IL17RA: variants seen among roughly 807,000 people sequenced by gnomAD.
IL17RA encodes the protein interleukin-17 receptor A.
A neutral mutation model predicts 50.4 loss-of-function variants in IL17RA; 34 were observed. The observed-to-expected ratio is 0.67, with a 90% confidence interval of 0.51 to 0.90. IL17RA has a LOEUF of 0.90. IL17RA is among the 40% of genes least tolerant of loss of function. The pLI is 0.00. For missense variants in IL17RA, 1,276 were observed against 1,169.8 expected (o/e 1.09, Z -1.32); for synonymous variants, 585 against 510.4 (o/e 1.15, Z -1.97).
In IL17RA at chr22:17,108,332, C is replaced by G. The variant is rs151315255; in HGVS notation, c.1113C>G (p.Ile371Met). The change falls in exon 13 of 13, where the codon ATC becomes ATG. Residue 371 changes from isoleucine (I) to methionine (M), a missense_variant. Ile to Met is a conservative substitution (Grantham distance 10). Coordinates refer to ENST00000319363, the MANE Select transcript of IL17RA (RefSeq NM_014339.7). ...YTDGLPAADL[I>M]PPPLKPRKVW... ...ATGGCCTGCCTGCGGCTGACCTGATCCCCCCACCGCTGAAGCCCAGGAAGG... is the reference window on the plus strand; with the variant it reads ...ATGGCCTGCCTGCGGCTGACCTGATGCCCCCACCGCTGAAGCCCAGGAAGG... The G allele has an allele frequency of 1.2e-6, 2 of 1,613,664 alleles. No homozygotes were observed. Among genetic ancestry groups the G allele is most frequent in the African/African-American group, 1.3e-5 (1 of 74,918 alleles).
chr22:17,087,880 CTT>C (rs2123789170), intron 1 of IL17RA, among the ~76,000 whole-genome samples: 1 of 152,320 alleles, frequency 6.6e-6, no homozygotes, highest in African/African-American at 2.4e-5. Context: ...ATTACAGAGT[CTT>C]TTTTCCTGAG....
intron 5 of IL17RA, 149 bp from the exon 6 acceptor site, chr22:17,101,847 T>G (rs1006782360): frequency 4.5e-6 from 4 of 881,708 alleles, no homozygotes; most frequent in Non-Finnish European, 3.7e-6. Flanking sequence ...CATGCCAAGG[T>G]GGGTCCAGCC....
Position 17,085,216 on chromosome 22 carries a change from T to G in IL17RA, c.125T>G (p.Val42Gly). Residue 42 changes from valine (V) to glycine (G), a missense_variant, in exon 1 of 13, where the codon GTC becomes GGC. Physicochemically the swap from Val to Gly is moderately radical, Grantham distance 109 (BLOSUM62 -3). Coordinates refer to ENST00000319363, the MANE Select transcript of IL17RA (RefSeq NM_014339.7). ...CGACTCCTGGACCACCGGGCGCTGG[T>G]CTGCTCCCAGCCGGTGAGACTCGAC... Reference protein sequence around the residue: ...SLRLLDHRALVCSQPGLNCTV... With the variant: ...SLRLLDHRALGCSQPGLNCTV... The G allele has an allele frequency of 6.5e-7, 1 of 1,536,398 alleles. No individual in the cohort carries two copies. The highest frequency in any genetic ancestry group is 8.7e-7 in the Non-Finnish European group (1 of 1,145,400).
chr22:17,087,444 C>G (rs2061332169), intron 1 of IL17RA, among the ~76,000 whole-genome samples: 1 of 152,252 alleles, frequency 6.6e-6, no homozygotes, highest in Non-Finnish European at 1.5e-5. Flanking sequence ...TATCCTCAGA[C>G]AGGGAGGAGG....
chr22:17,094,654 A>ACTCTCTCT lies in IL17RA; in HGVS notation c.139-2407_139-2406insTCTCTCTC, dbSNP rs774982179. 2.1e-3 allele frequency among the ~76,000 whole-genome samples: 45 copies of ACTCTCTCT among 21,608 alleles called. 1 individual carries two copies. The highest frequency in any genetic ancestry group is 7.5e-3 in the African/African-American group (26 of 3,464). 14.2% of individuals were successfully genotyped at this position (21,608 alleles called of 152,430 possible). A position where few individuals can be genotyped will look rare whatever the true frequency, so the allele number is the denominator to read the frequency against. On this transcript the variant is annotated intron_variant, in intron 1 of 12. Transcript: ENST00000319363. ...TTTCTATTCTCATTTAGTCATACAC[A>ACTCTCTCT]CACTCTCTCTCTCTCTCTCTCTCTC...
Position 17,115,138 on chromosome 22 carries a change from C to T in IL17RA, c.*5318C>T, listed in dbSNP as rs1461766377. 6.6e-6 allele frequency: 1 copy of T among 152,220 alleles called. No homozygotes were observed. The highest frequency in any genetic ancestry group is 1.5e-5 in the Non-Finnish European group (1 of 68,044). 9.4% of individuals were successfully genotyped at this position (152,220 alleles called of 1,614,324 possible). On this transcript the variant is annotated 3_prime_UTR_variant, in exon 13 of 13. Transcript: ENST00000319363. ...TGCCTGGCAAACCAAAATCGGTGAG[C>T]GCCAGCTTGCTTCCCTAGAAGACAT...
chr22:17,109,155 G>A lies in IL17RA; in HGVS notation c.1936G>A (p.Ala646Thr). 1 of 1,533,812 alleles carries A rather than the reference G, an allele frequency of 6.5e-7. No individual in the cohort carries two copies. Among genetic ancestry groups the A allele is most frequent in the Non-Finnish European group, 8.7e-7 (1 of 1,146,510 alleles). The change falls in exon 13 of 13, where the codon GCA becomes ACA. Residue 646 changes from alanine (A) to threonine (T), a missense_variant. Ala to Thr is a moderately conservative substitution (Grantham distance 58). Transcript: ENST00000319363. ...GCTGGTCGGGGAGGAAGGAGGAGCA[G>A]CAGTGGCAAAGCTGGAACCTCACCT... is the stretch of plus-strand genomic sequence containing the variant. ...DPLVGEEGGAAVAKLEPHLQP... is the reference protein window; with the variant it reads ...DPLVGEEGGATVAKLEPHLQP...
At position 17,085,242 on chromosome 22, in the gene IL17RA, G is replaced by C; in HGVS notation, c.138+13G>C. On this transcript the variant is annotated intron_variant, in intron 1 of 12. Transcript: ENST00000319363. ...CTGCTCCCAGCCGGTGAGACTCGAC[G>C]TGGGGAGCGGTAGCCGCCAGGATGC... 2 of 1,537,978 alleles carry C rather than the reference G, an allele frequency of 1.3e-6. No individual in the cohort carries two copies. Among genetic ancestry groups the C allele is most frequent in the South Asian group, 1.2e-5 (1 of 83,414 alleles).
At chr22:17,085,442 G>T (rs376639892) in intron 1 of IL17RA, among the ~76,000 whole-genome samples, 34 of 152,258 alleles carry the variant, frequency 2.2e-4, no homozygotes, top group African/African-American at 6.5e-4. Flanking sequence ...AATACGGGGG[G>T]GGTGGGTGGC....
chr22:17,100,500 G>T lies in IL17RA; in HGVS notation c.550+19G>T, dbSNP rs1483663635. On this transcript the variant is annotated intron_variant, in intron 5 of 12. Coordinates refer to ENST00000319363, the MANE Select transcript of IL17RA (RefSeq NM_014339.7). ...GTGCCTGGTAAGAGCATCCTCCCAA[G>T]ACATTCCCTCCCCAATGGCCTCTGT... 1 of 1,613,270 alleles carries T rather than the reference G, an allele frequency of 6.2e-7. No homozygotes were observed. The highest frequency in any genetic ancestry group is 1.3e-5 in the African/African-American group (1 of 74,894).
chr22:17,109,291 C>G lies in IL17RA; in HGVS notation c.2072C>G (p.Ala691Gly). Residue 691 changes from alanine to glycine, a missense_variant, in exon 13 of 13, where the codon GCA (alanine) becomes GGA (glycine). By Grantham distance (60) the Ala-to-Gly change is moderately conservative. Coordinates refer to ENST00000319363, the MANE Select transcript of IL17RA (RefSeq NM_014339.7). ...CCTGGGCCCCTGGCTGACGGTGCCG[C>G]AGTCCGGCTGGCACTGGCGGGGGAG... The part of the protein sequence containing the change: ...VEPGPLADGA[A>G]VRLALAGEGE... 6.5e-7 allele frequency: 1 copy of G among 1,527,822 alleles called. No homozygotes were observed. The highest frequency in any genetic ancestry group is 8.8e-7 in the Non-Finnish European group (1 of 1,141,732). 94.6% of individuals were successfully genotyped at this position (1,527,822 alleles called of 1,614,324 possible).
At chr22:17,101,489 G>A (rs1227323564) in intron 5 of IL17RA, among the ~76,000 whole-genome samples, 2 of 152,230 alleles carry the variant, frequency 1.3e-5, no homozygotes, top group Non-Finnish European at 1.5e-5. Flanking sequence ...TCTCCAGGGG[G>A]CAGGGCTTTG....
At position 17,110,150 on chromosome 22, in the gene IL17RA, C is replaced by T. The variant is rs2061434969; in HGVS notation, c.*330C>T. The T allele has an allele frequency of 1.1e-5, 4 of 378,038 alleles. No individual in the cohort carries two copies. Among genetic ancestry groups the T allele is most frequent in the Non-Finnish European group, 1.5e-5 (3 of 200,642 alleles). 23.4% of individuals were successfully genotyped at this position (378,038 alleles called of 1,614,324 possible). The stretch of plus-strand genomic sequence containing the variant: ...TTGGGATACCAAGATAAATTGCATG[C>T]GGCATGGCCCCAGCCATGAAGGAAC... On this transcript the variant is annotated 3_prime_UTR_variant, in exon 13 of 13. Transcript: ENST00000319363.
chr22:17,094,472 C>T (rs1370466252), intron 1 of IL17RA, among the ~76,000 whole-genome samples: 5 of 150,938 alleles, frequency 3.3e-5, no homozygotes, highest in Non-Finnish European at 5.9e-5. Context: ...ATGGTCAATG[C>T]GCTATTACCT....
At position 17,100,387 on chromosome 22, in the gene IL17RA, C is replaced by A. The variant is rs148692192; in HGVS notation, c.456C>A (p.Asp152Glu). Reference protein sequence around the residue: ...WRFTFSHFVVDPDQEYEVTVH... With the variant: ...WRFTFSHFVVEPDQEYEVTVH... ...TTACCTTCAGCCACTTTGTGGTTGA[C>A]CCTGACCAGGAATATGAGGTGACCG... The change falls in exon 5 of 13, where the codon GAC becomes GAA. Residue 152 changes from aspartate (D) to glutamate (E), a missense_variant. By Grantham distance (45) the Asp-to-Glu change is conservative. Transcript: ENST00000319363. 10 of 1,614,016 alleles carry A rather than the reference C, an allele frequency of 6.2e-6. No individual in the cohort carries two copies. The African/African-American group carries it at 8.0e-5, about 13-fold the overall frequency.
intron 4 of IL17RA, among the ~76,000 whole-genome samples, chr22:17,099,155 C>G (rs367664469): frequency 1.3e-5 from 2 of 152,200 alleles, no homozygotes; most frequent in African/African-American, 4.8e-5. Flanking sequence ...CCTAGCTATT[C>G]GTTCGGAAAG....
In IL17RA at chr22:17,103,481, C is replaced by A; in HGVS notation, c.763-13C>A. The A allele has an allele frequency of 6.2e-7, 1 of 1,612,650 alleles. No homozygotes were observed. The stretch of plus-strand genomic sequence containing the variant: ...TCCCAACTAGCCTTACCCATCCTCG[C>A]CTCTCTCCTCAGCCCAGACCAGAAG... On this transcript the variant is annotated splice_polypyrimidine_tract_variant and intron_variant, in intron 7 of 12. Coordinates refer to ENST00000319363, the MANE Select transcript of IL17RA (RefSeq NM_014339.7).
At chr22:17,105,195 C>T (rs551990757) in intron 9 of IL17RA, among the ~76,000 whole-genome samples, 1 of 152,268 alleles carries the variant, frequency 6.6e-6, no homozygotes, top group African/African-American at 2.4e-5. Context: ...TAGAGGATCC[C>T]CCCACCCCAA....
chr22:17,104,733 CCTT>C lies in IL17RA; in HGVS notation c.859_861del (p.Phe287del). 1 of 1,614,062 alleles carries C rather than the reference CCTT, an allele frequency of 6.2e-7. No individual in the cohort carries two copies. The highest frequency in any genetic ancestry group is 8.5e-7 in the Non-Finnish European group (1 of 1,179,948). ...TGCCCTCTCTGCCCGCAGATCCAGC[CCTT>C]CTTCAGCAGCTGCCTCAATGACTGC... On this transcript the variant is annotated inframe_deletion, in exon 9 of 13. Coordinates refer to ENST00000319363, the MANE Select transcript of IL17RA (RefSeq NM_014339.7).
Sources: allele counts gnomAD v4.1 joint callset (sites outside exome capture counted in the v4.1 genomes callset), GRCh38; gene constraint gnomAD v4.1.1; transcripts MANE v1.5; gene names NCBI Gene and HGNC (gene_info 2026-07-23, HGNC 2026-07-21).